PDGFRB: variants seen among roughly 807,000 people sequenced by gnomAD.
The protein encoded by PDGFRB is platelet derived growth factor receptor beta, also known as platelet-derived growth factor receptor beta.
A neutral mutation model predicts 120.2 loss-of-function variants in PDGFRB; 42 were observed. That is an observed-to-expected ratio of 0.35 (90% CI 0.27 to 0.45). The LOEUF (loss-of-function observed/expected upper bound fraction) is 0.45, where lower values mean the gene tolerates loss of function less well. Among genes scored for constraint, PDGFRB ranks in the 20% least tolerant of loss-of-function variants. The probability of loss-of-function intolerance (pLI) is 1.00; values close to 1 mark genes in which losing one functional copy is unlikely to be tolerated. For synonymous variants in PDGFRB, 586 were observed against 606.8 expected (o/e 0.97, Z 0.50); for missense variants, 1,149 against 1,476.3 (o/e 0.78, Z 3.63).
intron 3 of PDGFRB, 53 bp from the exon 4 acceptor site, chr5:150,135,069 C>A (rs1580810403): frequency 1.1e-6 from 1 of 928,506 alleles, no homozygotes; most frequent in East Asian, 2.4e-5. Flanking sequence ...TCTGGCCATC[C>A]CCTGAATTGC....
At chr5:150,122,066 G>A in intron 15 of PDGFRB, 26 bp from the exon 16 acceptor site, 3 of 1,605,532 alleles carry the variant, frequency 1.9e-6, no homozygotes, top group South Asian at 1.1e-5. Context: ...CATCACAGGA[G>A]AGCCTGCAGG....
chr5:150,130,736 C>A (rs1457843369), intron 8 of PDGFRB, 74 bp from the exon 9 acceptor site: 2 of 1,367,392 alleles, frequency 1.5e-6, no homozygotes, highest in African/African-American at 2.9e-5. Context: ...CAGGGGAGGA[C>A]CTGGCCCAGA....
rs572542725 is a variant in PDGFRB at position 150,136,453 on chromosome 5, A to G, written c.40+555T>C. On this transcript the variant is annotated intron_variant, in intron 2 of 22. Coordinates refer to ENST00000261799, the MANE Select transcript of PDGFRB (RefSeq NM_002609.4). ...GACATCCCCTGGAGAAGGATTTTTC[A>G]GGCCACGCCCTCCATGCCCCCTGGT... Among the ~76,000 whole-genome samples, 5 of 152,236 alleles carry G rather than the reference A, an allele frequency of 3.3e-5. No homozygotes were observed. The East Asian group carries it at 9.7e-4, about 29-fold the overall frequency.
intron 14 of PDGFRB, among the ~76,000 whole-genome samples, chr5:150,123,679 G>C (rs1760210206): frequency 6.6e-6 from 1 of 152,212 alleles, no homozygotes; most frequent in South Asian, 2.1e-4. Flanking sequence ...ATGTTGAAAT[G>C]AGCGATCATT....
chr5:150,125,831 G>A (rs749970025), intron 11 of PDGFRB, among the ~76,000 whole-genome samples: 1 of 152,202 alleles, frequency 6.6e-6, no homozygotes, highest in Non-Finnish European at 1.5e-5. Context: ...TGAGGGCCTG[G>A]CTCATGAGAA....
At position 150,132,778 on chromosome 5, in the gene PDGFRB, G is replaced by A. The variant is rs1432204409; in HGVS notation, c.1099C>T (p.Leu367=). Residue 367 remains leucine (L), a synonymous_variant, in exon 7 of 23, where the codon CTG becomes TTG. Transcript: ENST00000261799. This position sits in a 1 kb window ranked among gnomAD's most constrained non-coding sequence, Gnocchi z 5.0. The part of the protein sequence containing the change: ...LGDSSAGEIA[L]STRNVSETRY... ...GTCTCCGACACGTTGCGCGTGGACA[G>A]GGCGATTTCGCCAGCGCTGGAGTCG... The A allele has an allele frequency of 6.2e-7, 1 of 1,613,228 alleles. No individual in the cohort carries two copies. The highest frequency in any genetic ancestry group is 8.5e-7 in the Non-Finnish European group (1 of 1,179,750).
chr5:150,121,553 G>A lies in PDGFRB; in HGVS notation c.2345-231C>T, dbSNP rs913880283. ...CCTTGGGCCACTTTTGCCCAGCCTGGCCTGCCTGCCTGCCTCTCAGGGACA... is the reference window on the plus strand; with the variant it reads ...CCTTGGGCCACTTTTGCCCAGCCTGACCTGCCTGCCTGCCTCTCAGGGACA... On this transcript the variant is annotated intron_variant, in intron 16 of 22. Coordinates refer to ENST00000261799, the MANE Select transcript of PDGFRB (RefSeq NM_002609.4). This position sits in a 1 kb window ranked among gnomAD's most constrained non-coding sequence, Gnocchi z 4.1. Among the ~76,000 whole-genome samples the A allele has an allele frequency of 8.6e-5, 13 of 152,018 alleles. No individual in the cohort carries two copies. Among genetic ancestry groups the A allele is most frequent in the African/African-American group, 2.7e-4 (11 of 41,290 alleles).
intron 10 of PDGFRB, among the ~76,000 whole-genome samples, chr5:150,128,605 T>C (rs1760362317): frequency 6.6e-6 from 1 of 152,260 alleles, no homozygotes; most frequent in South Asian, 2.1e-4. Flanking sequence ...TAGGAACTCA[T>C]TTTGCCTCTG....
intron 1 of PDGFRB, among the ~76,000 whole-genome samples, chr5:150,147,425 C>A (rs540752911): frequency 5.7e-4 from 87 of 152,302 alleles, no homozygotes; most frequent in Middle Eastern, 3.4e-3. Context: ...TGCTGCCAGC[C>A]CGGAGCAGCC....
chr5:150,132,827 C>G lies in PDGFRB; in HGVS notation c.1050G>C (p.Trp350Cys), dbSNP rs1760506789. The G allele has an allele frequency of 1.2e-6, 2 of 1,612,000 alleles. No individual in the cohort carries two copies. The highest frequency in any genetic ancestry group is 1.7e-6 in the Non-Finnish European group (2 of 1,179,348). ...CGCCCAGGGTGCGGTTGTCTTTGAA[C>G]CACAGGACAGTGGGCGGTGGGTAGG... is the stretch of plus-strand genomic sequence containing the variant. Reference protein sequence around the residue: ...FEAYPPPTVLWFKDNRTLGDS... With the variant: ...FEAYPPPTVLCFKDNRTLGDS... Residue 350 changes from tryptophan (W) to cysteine (C), a missense_variant, in exon 7 of 23, where the codon TGG becomes TGC. Trp to Cys is a radical substitution (Grantham distance 215). Around this residue, in one of 3 missense-constraint regions of PDGFRB, gnomAD observed 879 missense variants for 1,108.6 expected, o/e 0.79. Coordinates refer to ENST00000261799, the MANE Select transcript of PDGFRB (RefSeq NM_002609.4). This position sits in a 1 kb window ranked among gnomAD's most constrained non-coding sequence, Gnocchi z 5.0.
At chr5:150,123,646 T>C (rs1174128998) in intron 14 of PDGFRB, among the ~76,000 whole-genome samples, 1 of 151,784 alleles carries the variant, frequency 6.6e-6, no homozygotes, top group African/African-American at 2.4e-5. Flanking sequence ...AGTGAGAACT[T>C]GAAGATATCT....
chr5:150,132,158 G>T lies in PDGFRB; in HGVS notation c.1128-64C>A. 1.2e-6 allele frequency: 1 copy of T among 861,976 alleles called. No homozygotes were observed. Among genetic ancestry groups the T allele is most frequent in the Non-Finnish European group, 1.9e-6 (1 of 513,836 alleles). 53.4% of individuals were successfully genotyped at this position (861,976 alleles called of 1,614,324 possible). A position where few individuals can be genotyped will look rare whatever the true frequency, so the allele number is the denominator to read the frequency against. On this transcript the variant is annotated intron_variant, in intron 7 of 22. Coordinates refer to ENST00000261799, the MANE Select transcript of PDGFRB (RefSeq NM_002609.4). The surrounding 1 kb of genome is among the most constrained non-coding windows in gnomAD (Gnocchi z 5.0). The stretch of plus-strand genomic sequence containing the variant: ...CTCTTACAGTTCTCCCCACCCTCCT[G>T]GTATAAAGAGGAACAAGGCCCAGGG...
rs749696896 is a variant in PDGFRB at position 150,134,913 on chromosome 5, C to T, written c.468G>A (p.Leu156=). 18 of 1,613,730 alleles carry T rather than the reference C, an allele frequency of 1.1e-5. No individual in the cohort carries two copies. Among genetic ancestry groups the T allele is most frequent in the Non-Finnish European group, 5.9e-6 (7 of 1,179,728 alleles). The change falls in exon 4 of 23, where the codon CTG becomes CTA. Residue 156 remains leucine (L), a synonymous_variant. Coordinates refer to ENST00000261799, the MANE Select transcript of PDGFRB (RefSeq NM_002609.4). ...TIPCRVTDPQ[L]VVTLHEKKGD... ...CTTTCTTCTCGTGCAGTGTCACCAC[C>T]AGCTGTGGGTCTGTTACTCGGCATG...
In PDGFRB at chr5:150,114,888, C is replaced by T; in HGVS notation, c.*875G>A. 1 of 233,344 alleles carries T rather than the reference C, an allele frequency of 4.3e-6. No homozygotes were observed. 14.5% of individuals were successfully genotyped at this position (233,344 alleles called of 1,614,324 possible). On this transcript the variant is annotated 3_prime_UTR_variant, in exon 23 of 23. Transcript: ENST00000261799. ...GCCTCATAGCAGGTCCAATGCAGAG[C>T]CAGGGCCATATACTGGCACACACAC...
chr5:150,139,380 C>T (rs1377386650), intron 1 of PDGFRB, among the ~76,000 whole-genome samples: 1 of 152,124 alleles, frequency 6.6e-6, no homozygotes, highest in Non-Finnish European at 1.5e-5. Flanking sequence ...CTGAACTCTG[C>T]GTCCCCATCC....
At chr5:150,126,963 C>A (rs1212846404) in intron 10 of PDGFRB, among the ~76,000 whole-genome samples, 1 of 152,224 alleles carries the variant, frequency 6.6e-6, no homozygotes. Flanking sequence ...AGCCCTGGAG[C>A]CCCTGAGGGC....
At chr5:150,149,474 G>A (rs1761011932) in intron 1 of PDGFRB, among the ~76,000 whole-genome samples, 1 of 152,130 alleles carries the variant, frequency 6.6e-6, no homozygotes, top group South Asian at 2.1e-4. Context: ...GGACTAAAGG[G>A]GAGGCCATCT....
chr5:150,155,064 C>T (rs190981009), intron 1 of PDGFRB, among the ~76,000 whole-genome samples: 14 of 152,224 alleles, frequency 9.2e-5, no homozygotes, highest in African/African-American at 3.1e-4. Context: ...ATTCCCCTCT[C>T]CCGCTCTTCC....
rs1760581694 is a variant in PDGFRB, at chr5:150,134,999, G to A, written c.382C>T (p.Leu128Phe). The A allele has an allele frequency of 6.3e-7, 1 of 1,592,212 alleles. No individual in the cohort carries two copies. Among genetic ancestry groups the A allele is most frequent in the Non-Finnish European group, 8.6e-7 (1 of 1,163,108 alleles). The change falls in exon 4 of 23, where the codon CTC (leucine) becomes TTC (phenylalanine). Residue 128 changes from leucine (L) to phenylalanine (F), a missense_variant. This residue lies in a region of PDGFRB where 879 missense variants were observed against 1,108.6 expected (regional missense o/e 0.79). Transcript: ENST00000261799. ...AATAGTTCCTCGGCATCATTAGGGA[G>A]GAAGCCCACGGTGGGATCTGCCAGG... Reference protein sequence around the residue: ...IFVPDPTVGFLPNDAEELFIF... With the variant: ...IFVPDPTVGFFPNDAEELFIF...
Sources: gnomAD v4.1 joint callset for allele counts (sites outside exome capture counted in the v4.1 genomes callset) on GRCh38, gnomAD v4.1.1 for gene constraint, gnomAD v4.1.1 regional missense constraint, Gnocchi (gnomAD v3.1) non-coding constraint, MANE v1.5 for transcripts, NCBI Gene and HGNC (gene_info 2026-07-23, HGNC 2026-07-21) for gene names.